The following LARP1B variants were observed in gnomAD, a reference collection of about 807,000 sequenced individuals.
The protein encoded by LARP1B is la-related protein 1B.
In LARP1B, 76 loss-of-function variants were observed where a neutral mutation model predicts 114.2. That is an observed-to-expected ratio of 0.67 (90% CI 0.55 to 0.81). The LOEUF is 0.81. Among genes scored for constraint, LARP1B ranks in the 30% least tolerant of loss-of-function variants. The pLI, the probability that LARP1B is intolerant of heterozygous loss-of-function variation, is 0.00. For missense variants in LARP1B, 1,014 were observed against 1,075.8 expected, an observed-to-expected ratio of 0.94 and a Z score of 0.80; for synonymous variants, 345 against 348.0, an observed-to-expected ratio of 0.99 and a Z score of 0.10.
chr4:128,175,660 C>G (rs1745544822), intron 12 of LARP1B, among the ~76,000 whole-genome samples: 1 of 152,006 alleles, frequency 6.6e-6, no homozygotes, highest in Non-Finnish European at 1.5e-5. Context: ...CTAGGACACT[C>G]TAAATGTGAC....
intron 8 of LARP1B, among the ~76,000 whole-genome samples, chr4:128,098,671 T>TA (rs903275507): frequency 1.4e-5 from 2 of 142,158 alleles, no homozygotes; most frequent in African/African-American, 5.2e-5. Flanking sequence ...ACCTGGGTGA[T>TA]AGAGTACAAC....
intron 15 of LARP1B, among the ~76,000 whole-genome samples, chr4:128,190,798 C>T (rs1752021150): frequency 6.6e-6 from 1 of 152,138 alleles, no homozygotes; most frequent in African/African-American, 2.4e-5. Flanking sequence ...TGAAAATGGA[C>T]TAATAAAAAT....
chr4:128,073,472 C>T (rs1766281910), intron 1 of LARP1B, among the ~76,000 whole-genome samples: 1 of 135,136 alleles, frequency 7.4e-6, no homozygotes, highest in African/African-American at 2.7e-5. Context: ...AATACTACCT[C>T]ATACTCTTAC....
intron 1 of LARP1B, among the ~76,000 whole-genome samples, chr4:128,067,322 C>T (rs1029268422): frequency 6.6e-6 from 1 of 152,158 alleles, no homozygotes; most frequent in Non-Finnish European, 1.5e-5. Flanking sequence ...GTCTATCCTG[C>T]TCAAACTTGG....
At chr4:128,157,946 G>A (rs1367586914) in intron 11 of LARP1B, among the ~76,000 whole-genome samples, 3 of 152,108 alleles carry the variant, frequency 2.0e-5, no homozygotes, top group African/African-American at 7.2e-5. Context: ...GAAATGAAGA[G>A]CAATGGGAAG....
chr4:128,077,906 G>A lies in LARP1B; in HGVS notation c.161G>A (p.Gly54Asp), dbSNP rs1768632426. 6.2e-7 allele frequency: 1 copy of A among 1,613,372 alleles called. No homozygotes were observed. The highest frequency in any genetic ancestry group is 1.3e-5 in the African/African-American group (1 of 74,914). The stretch of plus-strand genomic sequence containing the variant: ...GAAAACCGGGAAACAAAATTAAATG[G>A]TCCTGGTGAAAACGTCAGTGAGGAT... ...SKENRETKLN[G>D]PGENVSEDEA... The change falls in exon 4 of 20, where the codon GGT becomes GAT. Residue 54 changes from glycine to aspartate, a missense_variant. Transcript: ENST00000326639.
intron 17 of LARP1B, among the ~76,000 whole-genome samples, chr4:128,201,136 C>A (rs868369068): frequency 2.0e-5 from 3 of 152,172 alleles, no homozygotes; most frequent in Non-Finnish European, 2.9e-5. Flanking sequence ...CGGTTTCACC[C>A]TGAATGAGTA....
intron 5 of LARP1B, among the ~76,000 whole-genome samples, chr4:128,088,772 ATAAAT>A (rs1450025148): frequency 6.6e-6 from 1 of 152,146 alleles, no homozygotes; most frequent in East Asian, 1.9e-4. Flanking sequence ...TGTATGTAAA[ATAAAT>A]AAGGCTTACT....
At chr4:128,135,460 A>G (rs1391994201) in intron 11 of LARP1B, among the ~76,000 whole-genome samples, 3 of 152,182 alleles carry the variant, frequency 2.0e-5, no homozygotes, top group African/African-American at 7.2e-5. Context: ...TCTAAGAGGT[A>G]TTTGCGTGTC....
intron 1 of LARP1B, among the ~76,000 whole-genome samples, chr4:128,071,115 T>G (rs1189814717): frequency 3.3e-5 from 5 of 151,450 alleles, no homozygotes; most frequent in Non-Finnish European, 4.4e-5. Context: ...GGCGTGATCT[T>G]GGCTCACTGC....
exon 8 of LARP1B, chr4:128,222,441 A>T (rs891206014): frequency 8.9e-6 from 4 of 447,200 alleles, no homozygotes; most frequent in Non-Finnish European, 1.8e-5. Context: ...TCCTGGGCTC[A>T]GTGACACTCC....
At chr4:128,088,228 G>A (rs1774458559) in intron 5 of LARP1B, among the ~76,000 whole-genome samples, 1 of 148,392 alleles carries the variant, frequency 6.7e-6, no homozygotes, top group African/African-American at 2.5e-5. Context: ...GATGAACAGT[G>A]GAAACTCACC....
At chr4:128,149,944 A>G (rs943300580) in intron 11 of LARP1B, among the ~76,000 whole-genome samples, 1 of 152,170 alleles carries the variant, frequency 6.6e-6, no homozygotes, top group African/African-American at 2.4e-5. Flanking sequence ...CAAAGTCAGG[A>G]GTTCGAGACC....
intron 13 of LARP1B, among the ~76,000 whole-genome samples, chr4:128,177,900 A>C (rs1196159046): frequency 6.6e-6 from 1 of 152,070 alleles, no homozygotes; most frequent in Non-Finnish European, 1.5e-5. Context: ...TAAACAAAAA[A>C]CTTTGAAATA....
At chr4:128,076,837 C>A (rs565111841) in intron 3 of LARP1B, among the ~76,000 whole-genome samples, 15 of 152,136 alleles carry the variant, frequency 9.9e-5, no homozygotes, top group African/African-American at 2.4e-4. Context: ...GTGACCCCCC[C>A]ACCTCAGCCC....
intron 10 of LARP1B, among the ~76,000 whole-genome samples, chr4:128,116,023 G>A (rs561585326): frequency 2.8e-4 from 42 of 152,278 alleles, no homozygotes; most frequent in African/African-American, 1.0e-3. Context: ...TATAAGTGTT[G>A]GTGATTTATA....
chr4:128,123,248 G>C (rs1035430850), intron 11 of LARP1B: 2 of 985,286 alleles, frequency 2.0e-6, no homozygotes, highest in Non-Finnish European at 2.4e-6. Context: ...AGCTTGTTAC[G>C]TGACTTAGAG....
chr4:128,217,150 A>T lies in LARP1B; in HGVS notation n.849-3205A>T, dbSNP rs952351734. Among the ~76,000 whole-genome samples, 7 of 144,110 alleles carry T rather than the reference A, an allele frequency of 4.9e-5. No individual in the cohort carries two copies. The Admixed American group carries it at 5.0e-4, about 10-fold the overall frequency. The allele number at this position is 144,110 out of a possible 152,430, so 94.5% of individuals were successfully genotyped here. ...AGGCTCTGAAATTGTGGCAATAATC[A>T]ATAGTTTACCAACCAAAAAGAGTCC... On this transcript the variant is annotated intron_variant and non_coding_transcript_variant, in intron 6 of 7. Coordinates refer to the LARP1B transcript ENST00000503725.
rs533318605 is a variant in LARP1B at position 128,121,945 on chromosome 4, A to C, written c.1281A>C (p.Thr427=). ...EEIEQIGRKN[T]FTDWSDNDSD... ...TTGAACAAATAGGACGAAAAAACAC[A>C]TTTACTGATTGGTCTGATAATGATT... The change falls in exon 11 of 20, where the codon ACA becomes ACC. Residue 427 remains threonine (T), a synonymous_variant. Transcript: ENST00000326639. The C allele has an allele frequency of 5.6e-6, 9 of 1,612,850 alleles. No homozygotes were observed. Among genetic ancestry groups the C allele is most frequent in the Non-Finnish European group, 7.6e-6 (9 of 1,179,936 alleles).
Sources: allele counts gnomAD v4.1 joint callset (sites outside exome capture counted in the v4.1 genomes callset), GRCh38; gene constraint gnomAD v4.1.1; transcripts MANE v1.5; gene names NCBI Gene and HGNC (gene_info 2026-07-23, HGNC 2026-07-21).